The following CTBP1 variants were observed in gnomAD, a reference collection of about 807,000 sequenced individuals.
The protein encoded by CTBP1 is C-terminal-binding protein 1.
A neutral mutation model predicts 42.1 loss-of-function variants in CTBP1; 11 were observed. That is an observed-to-expected ratio of 0.26 (90% CI 0.16 to 0.43). The LOEUF is 0.43. Among genes scored for constraint, CTBP1 ranks in the 20% least tolerant of loss-of-function variants. CTBP1 has a pLI of 1.00. For synonymous variants in CTBP1, 324 were observed against 277.1 expected (o/e 1.17, Z -1.68); for missense variants, 399 against 624.3 (o/e 0.64, Z 3.85).
At chr4:1,215,819 C>A (rs1035947265) in intron 6 of CTBP1, 172 bp downstream of exon 6, 30 of 648,440 alleles carry the variant, frequency 4.6e-5, no homozygotes, top group Non-Finnish European at 5.3e-6. Flanking sequence ...ACACAGAAAA[C>A]GCTGTCTGGG....
In CTBP1 at chr4:1,228,267, G is replaced by A. The variant is rs1480723673; in HGVS notation, c.239C>T (p.Ala80Val). 2 of 1,614,174 alleles carry A rather than the reference G, an allele frequency of 1.2e-6. No homozygotes were observed. The highest frequency in any genetic ancestry group is 3.3e-5 in the Admixed American group (2 of 60,024). Reference protein sequence around the residue: ...LTREDLEKFKALRIIVRIGSG... With the variant: ...LTREDLEKFKVLRIIVRIGSG... ...GCCAATCCGGACGATGATGCGGAGG[G>A]CTTTGAACTTCTCCAGGTCCTCCCT... The change falls in exon 4 of 10, where the codon GCC becomes GTC. Residue 80 changes from alanine to valine, a missense_variant. Ala to Val is a moderately conservative substitution (Grantham distance 64). Around this residue, in one of 4 missense-constraint regions of CTBP1, gnomAD observed 309 missense variants for 497.5 expected, o/e 0.62. Coordinates refer to ENST00000382952, the MANE Select transcript of CTBP1 (RefSeq NM_001012614.2).
intron 1 of CTBP1, among the ~76,000 whole-genome samples, chr4:1,247,774 G>GGA (rs1560291537): frequency 3.5e-5 from 5 of 140,958 alleles, no homozygotes; most frequent in African/African-American, 7.7e-5. Flanking sequence ...GGGAGGGGGG[G>GGA]GGGGCTCGGG....
chr4:1,212,276 G>C lies in CTBP1; in HGVS notation c.1254C>G (p.Pro418=), dbSNP rs369378786. The C allele has an allele frequency of 6.5e-7, 1 of 1,532,580 alleles. No individual in the cohort carries two copies. Among genetic ancestry groups the C allele is most frequent in the Non-Finnish European group, 8.8e-7 (1 of 1,142,048 alleles). The allele number at this position is 1,532,580 out of a possible 1,614,324, so 94.9% of individuals were successfully genotyped here. ...HAPSPGQTVK[P]EADRDHASDQ... ...CACTGGCGTGGTCTCTATCCGCCTC[G>C]GGCTTGACGGTTTGGCCAGGAGAAG... The change falls in exon 10 of 10, where the codon CCC becomes CCG. Residue 418 remains proline (P), a synonymous_variant. Coordinates refer to ENST00000382952, the MANE Select transcript of CTBP1 (RefSeq NM_001012614.2).
At chr4:1,242,647 T>C (rs974128011) in intron 1 of CTBP1, 479 of 985,416 alleles carry the variant, frequency 4.9e-4, no homozygotes, top group Non-Finnish European at 5.6e-4. Context: ...CCACTCCTCA[T>C]GGCAGGTGCT....
At position 1,212,286 on chromosome 4, in the gene CTBP1, G is replaced by A. The variant is rs1187380116; in HGVS notation, c.1244C>T (p.Thr415Ile). Residue 415 changes from threonine (T) to isoleucine (I), a missense_variant, in exon 10 of 10, where the codon ACC (threonine) becomes ATC (isoleucine). Transcript: ENST00000382952. The stretch of plus-strand genomic sequence containing the variant: ...GTCTCTATCCGCCTCGGGCTTGACG[G>A]TTTGGCCAGGAGAAGGGGCGTGGGG... ...HPPHAPSPGQ[T>I]VKPEADRDHA... The A allele has an allele frequency of 3.7e-6, 4 of 1,084,262 alleles. No individual in the cohort carries two copies. The highest frequency in any genetic ancestry group is 5.0e-6 in the Non-Finnish European group (4 of 800,410). 67.2% of individuals were successfully genotyped at this position (1,084,262 alleles called of 1,614,324 possible). A position where few individuals can be genotyped will look rare whatever the true frequency, so the allele number is the denominator to read the frequency against.
chr4:1,228,265 G>A lies in CTBP1; in HGVS notation c.241C>T (p.Leu81Phe). 1 of 1,614,184 alleles carries A rather than the reference G, an allele frequency of 6.2e-7. No individual in the cohort carries two copies. Among genetic ancestry groups the A allele is most frequent in the Non-Finnish European group, 8.5e-7 (1 of 1,180,014 alleles). ...CTGCCAATCCGGACGATGATGCGGA[G>A]GGCTTTGAACTTCTCCAGGTCCTCC... ...TREDLEKFKA[L>F]RIIVRIGSGF... Residue 81 changes from leucine to phenylalanine, a missense_variant, in exon 4 of 10, where the codon CTC becomes TTC. By Grantham distance (22) the Leu-to-Phe change is conservative. Around this residue, in one of 4 missense-constraint regions of CTBP1, gnomAD observed 309 missense variants for 497.5 expected, o/e 0.62. Coordinates refer to ENST00000382952, the MANE Select transcript of CTBP1 (RefSeq NM_001012614.2).
chr4:1,231,392 G>T (rs982023179), intron 3 of CTBP1, among the ~76,000 whole-genome samples: 3 of 152,224 alleles, frequency 2.0e-5, no homozygotes, highest in African/African-American at 7.2e-5. Context: ...ACCCACTGAT[G>T]TGTCCCCTCC....
chr4:1,221,368 T>C (rs1490552879), intron 5 of CTBP1: 1 of 152,410 alleles, frequency 6.6e-6, no homozygotes, highest in Non-Finnish European at 1.5e-5. Flanking sequence ...GGCGAAACAA[T>C]GTCCTGCTCT....
At chr4:1,249,897 C>G (rs1053593001), upstream of CTBP1, 1 of 183,588 alleles carries the variant, frequency 5.4e-6, no homozygotes, top group Non-Finnish European at 1.2e-5. Context: ...TGCCTGCTAC[C>G]GGTGAAGCCC....
At chr4:1,230,693 C>T (rs1328824212) in intron 3 of CTBP1, among the ~76,000 whole-genome samples, 3 of 152,240 alleles carry the variant, frequency 2.0e-5, no homozygotes, top group African/African-American at 4.8e-5. Context: ...CTCGAAAAGT[C>T]GATTCTGAAC....
At chr4:1,249,803 CT>C (rs955654940), upstream of CTBP1, 33 of 244,232 alleles carry the variant, frequency 1.4e-4, no homozygotes, top group African/African-American at 7.8e-4. Flanking sequence ...CCCCATTTCT[CT>C]TTTAACAAGA....
intron 1 of CTBP1, chr4:1,242,324 A>G: frequency 3.0e-6 from 3 of 985,314 alleles, no homozygotes; most frequent in East Asian, 2.3e-4. Context: ...CACAGCACCG[A>G]GGCTGACCCC....
intron 3 of CTBP1, chr4:1,236,772 A>T: frequency 1.5e-6 from 1 of 677,610 alleles, no homozygotes; most frequent in Non-Finnish European, 2.7e-6. Context: ...GGCTCAGGAC[A>T]AACCCGGTGT....
rs570809036 is a variant in CTBP1, at chr4:1,238,440, C to T, written c.8-103G>A. On this transcript the variant is annotated intron_variant, in intron 2 of 9. Coordinates refer to ENST00000382952, the MANE Select transcript of CTBP1 (RefSeq NM_001012614.2). The surrounding 1 kb of genome is among the most constrained non-coding windows in gnomAD (Gnocchi z 5.9). ...GCACGGGCCAACGAGGGCCGACCGC[C>T]GGGGGTTTTCTGGTCTATATGTTGT... 5.9e-5 allele frequency: 80 copies of T among 1,364,962 alleles called. No homozygotes were observed. Among genetic ancestry groups the T allele is most frequent in the Non-Finnish European group, 6.6e-5 (68 of 1,023,046 alleles). The allele number at this position is 1,364,962 out of a possible 1,614,324, so 84.6% of individuals were successfully genotyped here.
At chr4:1,242,364 A>C in intron 1 of CTBP1, 12 of 985,374 alleles carry the variant, frequency 1.2e-5, no homozygotes, top group Non-Finnish European at 1.4e-5. Flanking sequence ...GCTGACCAGG[A>C]CAGGAGCCGG....
chr4:1,242,930 C>G, intron 1 of CTBP1: 1 of 985,244 alleles, frequency 1.0e-6, no homozygotes, highest in Non-Finnish European at 1.2e-6. Context: ...TACTCATCAA[C>G]GCCAGCCGAT....
At chr4:1,230,729 C>T (rs1286339532) in intron 3 of CTBP1, among the ~76,000 whole-genome samples, 6 of 152,240 alleles carry the variant, frequency 3.9e-5, no homozygotes, top group Admixed American at 6.5e-5. Flanking sequence ...CCCGCACATT[C>T]GGAGGAGACA....
In CTBP1 at chr4:1,244,092, C is replaced by T. The variant is rs113412175; in HGVS notation, c.-188-2573G>A. 47 of 985,370 alleles carry T rather than the reference C, an allele frequency of 4.8e-5. No individual in the cohort carries two copies. In the South Asian group the frequency reaches 5.2e-4, roughly 11 times the overall value. 61.0% of individuals were successfully genotyped at this position (985,370 alleles called of 1,614,324 possible). Reference sequence around the variant, plus strand: ...CAGGTTCTCTGGAGGCATCAAGTCCCGGGGGGCTGCACGGTGGCGGCCCGA... The same window carrying T: ...CAGGTTCTCTGGAGGCATCAAGTCCTGGGGGGCTGCACGGTGGCGGCCCGA... On this transcript the variant is annotated intron_variant, in intron 1 of 9. Coordinates refer to ENST00000382952, the MANE Select transcript of CTBP1 (RefSeq NM_001012614.2).
At position 1,248,919 on chromosome 4, in the gene CTBP1, G is replaced by A. The variant is rs1733070674; in HGVS notation, c.-192C>T. ...ACGCGCGCGCGCGCGGCCTTACCAA[G>A]CGGCAGGCCCTTGTTGAGCAAGTGC... On this transcript the variant is annotated 5_prime_UTR_variant, in exon 1 of 10. Transcript: ENST00000382952. The A allele has an allele frequency of 3.0e-6, 3 of 992,930 alleles. No homozygotes were observed. The African/African-American group carries it at 5.4e-5, about 18-fold the overall frequency. 61.5% of individuals were successfully genotyped at this position (992,930 alleles called of 1,614,324 possible).
Sources: allele counts gnomAD v4.1 joint callset (sites outside exome capture counted in the v4.1 genomes callset), GRCh38; gene constraint gnomAD v4.1.1; regional missense constraint gnomAD v4.1.1; non-coding constraint Gnocchi (gnomAD v3.1); transcripts MANE v1.5; gene names NCBI Gene and HGNC (gene_info 2026-07-23, HGNC 2026-07-21).